The following ANK2 variants were observed in gnomAD, a reference collection of about 807,000 sequenced individuals.
The protein encoded by ANK2 is ankyrin 2.
In ANK2, 83 loss-of-function variants were observed where a neutral mutation model predicts 360.5. The ratio of observed to expected loss-of-function variants is 0.23; its 90% CI spans 0.19 to 0.28. The LOEUF (loss-of-function observed/expected upper bound fraction) is 0.28, where lower values mean the gene tolerates loss of function less well. ANK2 is among the 10% of genes least tolerant of loss of function. The pLI is 1.00. For synonymous variants in ANK2, 1,740 were observed against 1,759.5 expected (o/e 0.99, Z 0.28); for missense variants, 4,201 against 4,795.7 (o/e 0.88, Z 3.66).
intron 1 of ANK2, among the ~76,000 whole-genome samples, chr4:113,083,118 T>C (rs1375895271): frequency 6.6e-6 from 1 of 152,154 alleles, no homozygotes; most frequent in Admixed American, 6.5e-5. Flanking sequence ...AGTTTTAGGG[T>C]ATATGTGCAC....
chr4:112,949,661 AAT>A (rs2094801620), intron 2 of ANK2, among the ~76,000 whole-genome samples: 1 of 152,250 alleles, frequency 6.6e-6, no homozygotes, highest in Non-Finnish European at 1.5e-5. Context: ...CACACACAAA[AAT>A]AAATCTGAGA....
chr4:113,323,727 T>C, intron 26 of ANK2: 1 of 1,596,438 alleles, frequency 6.3e-7, no homozygotes, highest in Admixed American at 1.7e-5. Flanking sequence ...TATCCGTTCC[T>C]TCTCTGTGCT....
chr4:113,030,813 A>G (rs1417724695), intron 2 of ANK2, among the ~76,000 whole-genome samples: 1 of 152,104 alleles, frequency 6.6e-6, no homozygotes, highest in Non-Finnish European at 1.5e-5. Context: ...GTAGATGAGT[A>G]CAGGTTTAAA....
chr4:113,033,236 G>A (rs1441913925), intron 2 of ANK2, among the ~76,000 whole-genome samples: 3 of 151,968 alleles, frequency 2.0e-5, no homozygotes, highest in Non-Finnish European at 4.4e-5. Flanking sequence ...TGTGTACCAG[G>A]ATTACAACCT....
rs147685812 is a variant in ANK2 at position 113,179,727 on chromosome 4, T to A, written c.186+5210T>A. Reference sequence around the variant, plus strand: ...TTCTTACCTATTCCCTATTTAGTAATTCTGCATAACTTAATACTGTTACAA... The same window carrying A: ...TTCTTACCTATTCCCTATTTAGTAAATCTGCATAACTTAATACTGTTACAA... On this transcript the variant is annotated intron_variant, in intron 2 of 45. Transcript: ENST00000357077. Among the ~76,000 whole-genome samples the A allele has an allele frequency of 6.9e-4, 105 of 152,336 alleles. 2 individuals are homozygous for A. In the East Asian group the frequency reaches 0.012, roughly 18 times the overall value.
At chr4:113,025,801 G>C (rs371238542) in intron 2 of ANK2, among the ~76,000 whole-genome samples, 1 of 152,138 alleles carries the variant, frequency 6.6e-6, no homozygotes, top group Non-Finnish European at 1.5e-5. Context: ...TGAAAAAGCA[G>C]CTTTTGAGAG....
At chr4:113,134,962 A>C (rs775438170) in intron 1 of ANK2, among the ~76,000 whole-genome samples, 1 of 152,312 alleles carries the variant, frequency 6.6e-6, no homozygotes, top group Admixed American at 6.5e-5. Context: ...TATGGTGTCC[A>C]TTTCTTCAGG....
intron 1 of ANK2, among the ~76,000 whole-genome samples, chr4:113,093,498 C>G (rs1396945636): frequency 6.6e-6 from 1 of 152,058 alleles, no homozygotes; most frequent in Non-Finnish European, 1.5e-5. Flanking sequence ...ACCATTACGA[C>G]TGGCTAATTT....
rs193156196 is a variant in ANK2 at position 112,970,680 on chromosome 4, T to G, written c.21+66166T>G. Among the ~76,000 whole-genome samples, 4 of 152,336 alleles carry G rather than the reference T, an allele frequency of 2.6e-5. No individual in the cohort carries two copies. In the East Asian group the frequency reaches 7.7e-4, roughly 29 times the overall value. On this transcript the variant is annotated intron_variant, in intron 2 of 30. Transcript: ENST00000503271. ...TTATAACTATATATACACATATATA[T>G]CTATATCTATTTAATGGTGGGGAGA...
chr4:113,299,452 A>G (rs1394809637), intron 22 of ANK2, among the ~76,000 whole-genome samples: 1 of 152,158 alleles, frequency 6.6e-6, no homozygotes, highest in Non-Finnish European at 1.5e-5. Context: ...CATCTGTAAT[A>G]CCAGCACTTT....
chr4:113,295,322 T>C (rs1194887278), intron 22 of ANK2, among the ~76,000 whole-genome samples: 1 of 152,170 alleles, frequency 6.6e-6, no homozygotes, highest in Non-Finnish European at 1.5e-5. Context: ...CATATTTTAC[T>C]CAACAAAACT....
chr4:113,121,867 C>CCG lies in ANK2; in HGVS notation c.85-52548_85-52547insGC, dbSNP rs1028063914. Among the ~76,000 whole-genome samples, 186 of 152,048 alleles carry CCG rather than the reference C, an allele frequency of 1.2e-3. 1 individual carries two copies. Among genetic ancestry groups the CCG allele is most frequent in the African/African-American group, 3.4e-3 (142 of 41,502 alleles). The stretch of plus-strand genomic sequence containing the variant: ...GATAGGCTTTGGGGAAATCTCCCCC[C>CCG]CCACCACATTCTTCTTGTTCATTTG... On this transcript the variant is annotated intron_variant, in intron 1 of 45. Transcript: ENST00000357077.
At chr4:112,783,467 T>G in the ANK2 span, among the ~76,000 whole-genome samples, 2 of 152,126 alleles carry the variant, frequency 1.3e-5, no homozygotes, top group African/African-American at 4.8e-5. Flanking sequence ...CTCTCATCAT[T>G]CCCATGCATT....
intron 23 of ANK2, 63 bp downstream of exon 23, chr4:113,302,902 T>C: frequency 7.2e-7 from 1 of 1,389,254 alleles, no homozygotes; most frequent in Non-Finnish European, 1.0e-6. Context: ...CAAATTACCC[T>C]TTTTTTCAGA....
chr4:113,349,637 T>C (rs185314908), intron 36 of ANK2, among the ~76,000 whole-genome samples: 1 of 152,158 alleles, frequency 6.6e-6, no homozygotes, highest in Non-Finnish European at 1.5e-5. Flanking sequence ...TTCCTTCCTG[T>C]ACTCAGTGAC....
chr4:112,778,118 C>T, the ANK2 span, among the ~76,000 whole-genome samples: 10 of 151,354 alleles, frequency 6.6e-5, no homozygotes, highest in South Asian at 4.2e-4. Flanking sequence ...TACAGGTGCA[C>T]GTGACCACGT....
chr4:113,243,074 T>TATGTTATATATTTGCTGAAAC (rs2040868028), intron 9 of ANK2, among the ~76,000 whole-genome samples: 1 of 152,166 alleles, frequency 6.6e-6, no homozygotes, highest in Non-Finnish European at 1.5e-5. Flanking sequence ...CGTTATATAA[T>TATGTTATATATTTGCTGAAAC]ATGTAGTTAT....
At chr4:112,944,667 T>C (rs1295294462) in intron 2 of ANK2, among the ~76,000 whole-genome samples, 1 of 152,252 alleles carries the variant, frequency 6.6e-6, no homozygotes, top group African/African-American at 2.4e-5. Flanking sequence ...ATAATTGGTA[T>C]GTGATTCCAG....
At chr4:113,055,048 T>C (rs2068941762) in intron 1 of ANK2, among the ~76,000 whole-genome samples, 1 of 152,078 alleles carries the variant, frequency 6.6e-6, no homozygotes, top group Non-Finnish European at 1.5e-5. Flanking sequence ...TCAGAACCTT[T>C]GAGGATTTTT....
Sources: allele counts gnomAD v4.1 joint callset (sites outside exome capture counted in the v4.1 genomes callset), GRCh38; gene constraint gnomAD v4.1.1; transcripts MANE v1.5; gene names NCBI Gene and HGNC (gene_info 2026-07-23, HGNC 2026-07-21).